SPATA17: variants seen among roughly 807,000 people sequenced by gnomAD.
SPATA17 encodes spermatogenesis associated 17.
Under a neutral mutation model 62.2 loss-of-function variants are expected in SPATA17, and 53 were observed. That is an observed-to-expected ratio of 0.85 (90% CI 0.68 to 1.07). SPATA17 has a LOEUF of 1.07. SPATA17 is among the 50% of genes least tolerant of loss of function. The pLI, the probability that SPATA17 is intolerant of heterozygous loss-of-function variation, is 0.00. For synonymous variants in SPATA17, 146 were observed against 146.8 expected (o/e 0.99, Z 0.04); for missense variants, 466 against 425.5 (o/e 1.10, Z -0.84).
At chr1:217,632,377 T>C (rs904067523) in intron 1 of SPATA17, among the ~76,000 whole-genome samples, 7 of 151,502 alleles carry the variant, frequency 4.6e-5, no homozygotes, top group African/African-American at 1.7e-4. Context: ...GCCCCAGGAG[T>C]TTTTGTAACT....
intron 8 of SPATA17, among the ~76,000 whole-genome samples, chr1:217,787,127 T>A (rs1673890939): frequency 6.6e-6 from 1 of 152,034 alleles, no homozygotes; most frequent in Non-Finnish European, 1.5e-5. Flanking sequence ...TTTTAAGTTT[T>A]TCTCAAATTC....
chr1:217,634,792 G>A (rs1388004283), intron 1 of SPATA17, among the ~76,000 whole-genome samples: 1 of 152,240 alleles, frequency 6.6e-6, no homozygotes, highest in East Asian at 1.9e-4. Flanking sequence ...AGGACAGCTT[G>A]AAGGTTAGAA....
intron 4 of SPATA17, among the ~76,000 whole-genome samples, chr1:217,671,620 C>T (rs555381086): frequency 6.6e-6 from 1 of 152,108 alleles, no homozygotes; most frequent in African/African-American, 2.4e-5. Context: ...CTTCTCCCCT[C>T]CCTGCCTCTC....
At chr1:217,772,128 T>A (rs1211871353) in intron 6 of SPATA17, among the ~76,000 whole-genome samples, 2 of 152,164 alleles carry the variant, frequency 1.3e-5, no homozygotes, top group African/African-American at 4.8e-5. Context: ...TATTTTTTTC[T>A]TAGTACAATC....
At chr1:217,854,031 A>C (rs1000296886) in intron 9 of SPATA17, among the ~76,000 whole-genome samples, 1 of 152,208 alleles carries the variant, frequency 6.6e-6, no homozygotes, top group Middle Eastern at 3.2e-3. Flanking sequence ...CCTCATGGTC[A>C]GAACAAATTT....
chr1:217,862,214 T>G (rs561098611), intron 9 of SPATA17, among the ~76,000 whole-genome samples: 91 of 152,304 alleles, frequency 6.0e-4, no homozygotes, highest in South Asian at 1.2e-3. Flanking sequence ...TGACTTCACC[T>G]GTTTTAACAT....
At chr1:217,702,916 C>G (rs937358986) in intron 5 of SPATA17, among the ~76,000 whole-genome samples, 28 of 151,356 alleles carry the variant, frequency 1.8e-4, no homozygotes, top group African/African-American at 6.1e-4. Flanking sequence ...GAGTCTCACT[C>G]TGTTGCCCAG....
chr1:217,856,541 G>C (rs1391505983), intron 9 of SPATA17, among the ~76,000 whole-genome samples: 13 of 152,136 alleles, frequency 8.5e-5, no homozygotes, highest in Non-Finnish European at 1.8e-4. Flanking sequence ...ATATGCAAAG[G>C]AACTTCGTTT....
intron 5 of SPATA17, among the ~76,000 whole-genome samples, chr1:217,710,199 G>T (rs1039106247): frequency 2.0e-5 from 3 of 152,120 alleles, no homozygotes; most frequent in Non-Finnish European, 4.4e-5. Flanking sequence ...CTATTACAAA[G>T]ATAAATGGGA....
At chr1:217,750,851 A>G (rs1265325891) in intron 6 of SPATA17, among the ~76,000 whole-genome samples, 1 of 152,228 alleles carries the variant, frequency 6.6e-6, no homozygotes, top group Non-Finnish European at 1.5e-5. Context: ...AATTAAGACT[A>G]GAAGATAAAG....
chr1:217,861,507 C>T (rs966421172), intron 9 of SPATA17, among the ~76,000 whole-genome samples: 1 of 151,548 alleles, frequency 6.6e-6, no homozygotes, highest in South Asian at 2.1e-4. Context: ...TCTATATGCT[C>T]AAATTTAAGA....
At chr1:217,809,065 G>A (rs193060862) in intron 9 of SPATA17, among the ~76,000 whole-genome samples, 1 of 152,158 alleles carries the variant, frequency 6.6e-6, no homozygotes, top group African/African-American at 2.4e-5. Flanking sequence ...AGGAAGAAAC[G>A]TTAGACCGAA....
chr1:217,852,050 G>A (rs1364222487), intron 9 of SPATA17, among the ~76,000 whole-genome samples: 1 of 152,078 alleles, frequency 6.6e-6, no homozygotes, highest in East Asian at 1.9e-4. Context: ...AAACTGAAGG[G>A]TGAACAATTT....
At chr1:217,726,660 G>T (rs1672263932) in intron 5 of SPATA17, among the ~76,000 whole-genome samples, 1 of 150,846 alleles carries the variant, frequency 6.6e-6, no homozygotes, top group Non-Finnish European at 1.5e-5. Context: ...TATGATGGGG[G>T]TTGTGACTGT....
chr1:217,790,595 C>A (rs936402345), intron 8 of SPATA17, among the ~76,000 whole-genome samples: 6 of 152,142 alleles, frequency 3.9e-5, no homozygotes, highest in African/African-American at 1.2e-4. Context: ...CGTCCGCCAC[C>A]GTGCCCGGCT....
At chr1:217,643,217 T>C (rs1286242213) in intron 1 of SPATA17, among the ~76,000 whole-genome samples, 1 of 152,178 alleles carries the variant, frequency 6.6e-6, no homozygotes, top group Non-Finnish European at 1.5e-5. Flanking sequence ...CTGGCTCCCA[T>C]TATCTTTAGA....
intron 5 of SPATA17, among the ~76,000 whole-genome samples, chr1:217,706,108 G>A (rs1028187270): frequency 2.6e-5 from 4 of 152,148 alleles, no homozygotes; most frequent in African/African-American, 9.7e-5. Flanking sequence ...TTTGGTTTCT[G>A]TAGTCTTGTA....
chr1:217,631,464 G>A lies in SPATA17; in HGVS notation c.68+18G>A, dbSNP rs760486830. ...AGGAACAGGTAAGTCAGGAAGAGAA[G>A]GATCGCGTAAAGGGCGGGCGTGACT... On this transcript the variant is annotated intron_variant, in intron 1 of 10. Transcript: ENST00000366933. 7.4e-6 allele frequency: 12 copies of A among 1,613,814 alleles called. No homozygotes were observed. Among genetic ancestry groups the A allele is most frequent in the Non-Finnish European group, 3.4e-6 (4 of 1,179,836 alleles).
chr1:217,843,161 G>A (rs1008472080), intron 9 of SPATA17, among the ~76,000 whole-genome samples: 2 of 152,028 alleles, frequency 1.3e-5, no homozygotes, highest in African/African-American at 4.8e-5. Flanking sequence ...AATGTTTCAA[G>A]TACATTAAAA....
Sources: allele counts gnomAD v4.1 joint callset (sites outside exome capture counted in the v4.1 genomes callset), GRCh38; gene constraint gnomAD v4.1.1; transcripts MANE v1.5; gene names NCBI Gene and HGNC (gene_info 2026-07-23, HGNC 2026-07-21).